Variants in GPC6 observed in about 807,000 individuals in gnomAD.
GPC6 encodes glypican 6.
Under a neutral mutation model 55.2 loss-of-function variants are expected in GPC6, and 14 were observed. The observed-to-expected ratio is 0.25, with a 90% CI of 0.17 to 0.40. The LOEUF is 0.40. GPC6 is among the 10% of genes least tolerant of loss of function. GPC6 has a pLI of 1.00. For missense variants in GPC6, 641 were observed against 708.5 expected (o/e 0.90, Z 1.08); for synonymous variants, 278 against 259.6 (o/e 1.07, Z -0.68).
intron 1 of GPC6, among the ~76,000 whole-genome samples, chr13:93,391,369 T>C (rs560311310): frequency 6.6e-6 from 1 of 152,304 alleles, no homozygotes; most frequent in Admixed American, 6.5e-5. Context: ...AACTGATGTC[T>C]ACCTGGATCA....
At chr13:94,398,214 C>G (rs1276652643) in intron 7 of GPC6, among the ~76,000 whole-genome samples, 1 of 150,712 alleles carries the variant, frequency 6.6e-6, no homozygotes, top group Non-Finnish European at 1.5e-5. Flanking sequence ...GTAGGCAGAC[C>G]TACCTAAGAA....
chr13:93,970,117 C>A (rs1229312532), intron 3 of GPC6, among the ~76,000 whole-genome samples: 2 of 152,056 alleles, frequency 1.3e-5, no homozygotes, highest in African/African-American at 4.8e-5. Flanking sequence ...ATCTTAAGAG[C>A]CTTCTTAATA....
chr13:93,651,012 G>A (rs1429684761), intron 2 of GPC6, among the ~76,000 whole-genome samples: 2 of 152,100 alleles, frequency 1.3e-5, no homozygotes, highest in Admixed American at 6.6e-5. Flanking sequence ...AAAAACCAAA[G>A]AAGCCCACAA....
intron 4 of GPC6, among the ~76,000 whole-genome samples, chr13:94,183,208 G>A (rs775952644): frequency 1.7e-4 from 26 of 152,124 alleles, no homozygotes; most frequent in Admixed American, 5.9e-4. Flanking sequence ...GCAATAATTC[G>A]CCTTTCTTAC....
rs1222322146 is a variant in GPC6, at chr13:94,290,445, A to AG, written c.1008+3966_1008+3967insG. 9.3e-5 allele frequency among the ~76,000 whole-genome samples: 14 copies of AG among 150,328 alleles called. 1 individual carries two copies. In the South Asian group the frequency reaches 1.9e-3, roughly 20 times the overall value. ...CTAGAAAGGTAAAAAAAAAAAAAAA[A>AG]AAAAGAAAAAGAAAAAAAGAAATTG... On this transcript the variant is annotated intron_variant, in intron 5 of 8. Coordinates refer to ENST00000377047, the MANE Select transcript of GPC6 (RefSeq NM_005708.5).
chr13:93,240,105 C>T (rs1876378647), intron 1 of GPC6, among the ~76,000 whole-genome samples: 1 of 152,066 alleles, frequency 6.6e-6, no homozygotes, highest in Non-Finnish European at 1.5e-5. Flanking sequence ...TGTATATTCT[C>T]TAGTTTGGTG....
intron 2 of GPC6, among the ~76,000 whole-genome samples, chr13:93,566,148 G>A (rs943270784): frequency 1.3e-5 from 2 of 152,150 alleles, no homozygotes; most frequent in East Asian, 3.9e-4. Context: ...AAATGAAGAG[G>A]CAGAGATATG....
intron 6 of GPC6, among the ~76,000 whole-genome samples, chr13:94,365,974 G>A (rs991228971): frequency 6.6e-6 from 1 of 152,172 alleles, no homozygotes; most frequent in Non-Finnish European, 1.5e-5. Context: ...GAAGTGAAAT[G>A]CTTTGCAATG....
chr13:93,777,168 A>G (rs926719023), intron 2 of GPC6, among the ~76,000 whole-genome samples: 2 of 152,154 alleles, frequency 1.3e-5, no homozygotes, highest in Non-Finnish European at 2.9e-5. Context: ...TTGCCTAGCC[A>G]TAGGTAAAAG....
chr13:94,363,711 T>C (rs1879160723), intron 6 of GPC6, among the ~76,000 whole-genome samples: 1 of 152,198 alleles, frequency 6.6e-6, no homozygotes, highest in Admixed American at 6.5e-5. Context: ...TACATGGCTA[T>C]TGACCACTAG....
chr13:93,611,776 TAA>T (rs1365074550), intron 2 of GPC6, among the ~76,000 whole-genome samples: 2 of 152,216 alleles, frequency 1.3e-5, no homozygotes, highest in Admixed American at 6.5e-5. Context: ...CTAAGAATAA[TAA>T]GTCATCATGC....
chr13:93,828,574 G>T (rs570432121), intron 2 of GPC6, among the ~76,000 whole-genome samples: 2 of 152,154 alleles, frequency 1.3e-5, no homozygotes, highest in African/African-American at 4.8e-5. Flanking sequence ...AATCCCTAAA[G>T]ATTCAGAGAG....
At chr13:93,904,497 T>G (rs1271898019) in intron 3 of GPC6, among the ~76,000 whole-genome samples, 1 of 152,186 alleles carries the variant, frequency 6.6e-6, no homozygotes. Context: ...TTAACTTTTA[T>G]TTTTAGAGCA....
chr13:93,488,212 A>G (rs1264878616), intron 1 of GPC6, among the ~76,000 whole-genome samples: 1 of 152,060 alleles, frequency 6.6e-6, no homozygotes, highest in Admixed American at 6.6e-5. Flanking sequence ...TAGTGAGAAC[A>G]TGTGGTGTTT....
intron 3 of GPC6, among the ~76,000 whole-genome samples, chr13:94,017,043 C>G (rs1459829445): frequency 6.6e-6 from 1 of 152,046 alleles, no homozygotes; most frequent in Non-Finnish European, 1.5e-5. Flanking sequence ...CCATGTTGGC[C>G]AGGCTGGTCT....
chr13:93,800,014 AT>A (rs11355598), intron 2 of GPC6, among the ~76,000 whole-genome samples: 50,091 of 151,922 alleles, frequency 0.33, 8,662 homozygotes, highest in African/African-American at 0.43. Flanking sequence ...TGGAGCTTAC[AT>A]TTCTGATACC....
At chr13:94,058,539 T>C (rs1204767266) in intron 4 of GPC6, among the ~76,000 whole-genome samples, 2 of 152,072 alleles carry the variant, frequency 1.3e-5, no homozygotes, top group East Asian at 3.9e-4. Context: ...GCCCCCTAGG[T>C]GGTTACAATC....
chr13:93,526,502 A>G (rs961868517), intron 1 of GPC6, among the ~76,000 whole-genome samples: 6 of 152,138 alleles, frequency 3.9e-5, no homozygotes, highest in African/African-American at 1.4e-4. Context: ...TGCTATCAAT[A>G]TCTTCCTTGT....
At chr13:93,309,486 AT>A (rs1439155815) in intron 1 of GPC6, among the ~76,000 whole-genome samples, 3 of 152,070 alleles carry the variant, frequency 2.0e-5, no homozygotes, top group Non-Finnish European at 4.4e-5. Flanking sequence ...CACACAATGT[AT>A]TTTTATATGT....
Sources: allele counts gnomAD v4.1 joint callset (sites outside exome capture counted in the v4.1 genomes callset), GRCh38; gene constraint gnomAD v4.1.1; transcripts MANE v1.5; gene names NCBI Gene and HGNC (gene_info 2026-07-23, HGNC 2026-07-21).